CALD1: variants seen among roughly 807,000 people sequenced by gnomAD.
The protein encoded by CALD1 is caldesmon.
A neutral mutation model predicts 99.9 loss-of-function variants in CALD1; 33 were observed. The observed-to-expected ratio is 0.33, with a 90% CI of 0.25 to 0.44. The LOEUF (loss-of-function observed/expected upper bound fraction) is 0.44, where lower values mean the gene tolerates loss of function less well. CALD1 is among the 20% of genes least tolerant of loss of function. The pLI, the probability that CALD1 is intolerant of heterozygous loss-of-function variation, is 1.00. For missense variants in CALD1, 861 were observed against 962.1 expected (o/e 0.89, Z 1.39); for synonymous variants, 310 against 325.0 (o/e 0.95, Z 0.50).
intron 7 of CALD1, among the ~76,000 whole-genome samples, chr7:134,945,454 T>A (rs1806781852): frequency 6.6e-6 from 1 of 152,206 alleles, no homozygotes; most frequent in Non-Finnish European, 1.5e-5. Flanking sequence ...TAATTATAGT[T>A]ACAAGAAGAG....
intron 1 of CALD1, among the ~76,000 whole-genome samples, chr7:134,780,864 A>C (rs1274346901): frequency 6.6e-6 from 1 of 152,232 alleles, no homozygotes; most frequent in Non-Finnish European, 1.5e-5. Flanking sequence ...ACTAGATGCT[A>C]TATGGCAAGC....
intron 1 of CALD1, among the ~76,000 whole-genome samples, chr7:134,796,945 T>C (rs1169127444): frequency 6.6e-6 from 1 of 152,180 alleles, no homozygotes; most frequent in Non-Finnish European, 1.5e-5. Flanking sequence ...TCTGAAACCC[T>C]ACAGTGCTGA....
At chr7:134,854,622 C>T (rs933661086) in intron 2 of CALD1, among the ~76,000 whole-genome samples, 1 of 152,134 alleles carries the variant, frequency 6.6e-6, no homozygotes, top group Non-Finnish European at 1.5e-5. Context: ...TCTATTTTCT[C>T]AATTTAAGGT....
chr7:134,930,528 G>A (rs1352443176), intron 4 of CALD1, among the ~76,000 whole-genome samples: 2 of 152,142 alleles, frequency 1.3e-5, no homozygotes, highest in African/African-American at 2.4e-5. Flanking sequence ...GGCTGTATTA[G>A]AAGGTTTCAG....
At chr7:134,957,376 A>G (rs1464773959) in intron 9 of CALD1, among the ~76,000 whole-genome samples, 7 of 152,094 alleles carry the variant, frequency 4.6e-5, no homozygotes, top group African/African-American at 1.7e-4. Context: ...CCTAAAGGGT[A>G]ACAGTGTGTG....
rs1045221791 is a variant in CALD1, at chr7:134,933,794, G to A, written c.1025G>A (p.Arg342Lys). The A allele has an allele frequency of 1.9e-6, 3 of 1,552,782 alleles. No individual in the cohort carries two copies. Among genetic ancestry groups the A allele is most frequent in the East Asian group, 4.9e-5 (2 of 40,958 alleles). ...GAAGAGAAAAGGGCAGCAGAGGAGA[G>A]GCAGAGGATAAAGGAGGAAGAGAAA... ...KEEEKRAAEE[R>K]QRIKEEEKRA... The change falls in exon 5 of 15, where the codon AGG becomes AAG. Residue 342 changes from arginine (R) to lysine (K), a missense_variant. Coordinates refer to ENST00000361675, the MANE Select transcript of CALD1 (RefSeq NM_033138.4).
chr7:134,957,718 G>T (rs1807884843), intron 9 of CALD1, among the ~76,000 whole-genome samples: 1 of 152,146 alleles, frequency 6.6e-6, no homozygotes. Flanking sequence ...TCAGCGCTCA[G>T]CCAATTATGT....
chr7:134,747,630 A>T (rs971965504), intron 1 of CALD1, among the ~76,000 whole-genome samples: 1 of 152,202 alleles, frequency 6.6e-6, no homozygotes. Flanking sequence ...GAGCAGCCTT[A>T]TATCAGGGGC....
upstream of CALD1, among the ~76,000 whole-genome samples, chr7:134,743,419 A>C (rs1298033315): frequency 2.6e-5 from 4 of 152,148 alleles, no homozygotes; most frequent in Non-Finnish European, 5.9e-5. Context: ...GTTTTGTTAT[A>C]CTTTGAAGTT....
At chr7:134,968,236 A>G (rs1482049348) in intron 14 of CALD1, 104 bp from the exon 15 acceptor site, 5 of 850,690 alleles carry the variant, frequency 5.9e-6, no homozygotes, top group Non-Finnish European at 8.2e-6. Flanking sequence ...CTGCCATACT[A>G]TTATTCATTT....
intron 2 of CALD1, among the ~76,000 whole-genome samples, chr7:134,865,722 C>T (rs1428612769): frequency 6.6e-6 from 1 of 152,112 alleles, no homozygotes; most frequent in Non-Finnish European, 1.5e-5. Context: ...AAGACACTGC[C>T]CGGCTCTGCA....
Position 134,969,537 on chromosome 7 carries a change from T to C in CALD1, c.*1192T>C, listed in dbSNP as rs927479869. On this transcript the variant is annotated 3_prime_UTR_variant, in exon 15 of 15. Coordinates refer to ENST00000361675, the MANE Select transcript of CALD1 (RefSeq NM_033138.4). ...CAAAGACTACCTTTGGCTAAATGTC[T>C]AGAAGCAGAGAAGTAAAGTGAGCAA... 6.6e-6 allele frequency: 1 copy of C among 152,222 alleles called. No homozygotes were observed. Among genetic ancestry groups the C allele is most frequent in the Non-Finnish European group, 1.5e-5 (1 of 68,030 alleles). 9.4% of individuals were successfully genotyped at this position (152,222 alleles called of 1,614,324 possible).
intron 1 of CALD1, among the ~76,000 whole-genome samples, chr7:134,765,444 T>C (rs1796817177): frequency 6.6e-6 from 1 of 152,172 alleles, no homozygotes; most frequent in African/African-American, 2.4e-5. Context: ...AGGAATGACC[T>C]CTTCCTCCTT....
At chr7:134,748,618 G>C (rs1310010868) in intron 1 of CALD1, among the ~76,000 whole-genome samples, 2 of 152,136 alleles carry the variant, frequency 1.3e-5, no homozygotes, top group African/African-American at 4.8e-5. Context: ...GGCTGAGGCA[G>C]GAGAATGGCT....
the CALD1 span, among the ~76,000 whole-genome samples, chr7:134,711,623 T>A: frequency 7.2e-6 from 1 of 138,534 alleles, no homozygotes; most frequent in Non-Finnish European, 1.5e-5. Flanking sequence ...AAAATCAACC[T>A]CAGCTTCTCT....
intron 2 of CALD1, among the ~76,000 whole-genome samples, chr7:134,861,292 A>C (rs1800553062): frequency 6.6e-6 from 1 of 152,214 alleles, no homozygotes; most frequent in African/African-American, 2.4e-5. Context: ...TTGTGAAGGA[A>C]AACAGTTAAA....
At chr7:134,914,083 T>C (rs573383086) in intron 3 of CALD1, among the ~76,000 whole-genome samples, 1 of 152,348 alleles carries the variant, frequency 6.6e-6, no homozygotes, top group African/African-American at 2.4e-5. Context: ...AAATTCCTTC[T>C]AGTTTCATTA....
rs146692065 is a variant in CALD1, at chr7:134,811,524, C to A, written c.-130+31775C>A. Among the ~76,000 whole-genome samples, 142 of 152,318 alleles carry A rather than the reference C, an allele frequency of 9.3e-4. 1 individual carries two copies. The highest frequency in any genetic ancestry group is 2.8e-3 in the African/African-American group (118 of 41,576). ...ATCATTCAGAATCTTCTGTTTAGCTCTCTTCATTTTAGTGAAAGTCTCCTA... is the reference window on the plus strand; with the variant it reads ...ATCATTCAGAATCTTCTGTTTAGCTATCTTCATTTTAGTGAAAGTCTCCTA... On this transcript the variant is annotated intron_variant, in intron 1 of 14. Coordinates refer to ENST00000361675, the MANE Select transcript of CALD1 (RefSeq NM_033138.4).
Position 134,746,880 on chromosome 7 carries a change from T to C in CALD1, c.-130+2517T>C, listed in dbSNP as rs557516696. Among the ~76,000 whole-genome samples, 7 of 152,374 alleles carry C rather than the reference T, an allele frequency of 4.6e-5. No individual in the cohort carries two copies. The South Asian group carries it at 1.4e-3, about 32-fold the overall frequency. On this transcript the variant is annotated intron_variant, in intron 1 of 13. Transcript: ENST00000417172. ...AAGGTAGAACTTGTGAGTGATGAAA[T>C]TAAATATTTAGCTGAAACTATTTCT...
Sources: gnomAD v4.1 joint callset for allele counts (sites outside exome capture counted in the v4.1 genomes callset) on GRCh38, gnomAD v4.1.1 for gene constraint, MANE v1.5 for transcripts, NCBI Gene and HGNC (gene_info 2026-07-23, HGNC 2026-07-21) for gene names.